The following CLEC16A variants were observed in gnomAD, a reference collection of about 807,000 sequenced individuals.
CLEC16A encodes C-type lectin domain containing 16A.
CLEC16A carries 51 observed loss-of-function variants against 109.5 expected under a neutral mutation model. That is an observed-to-expected ratio of 0.47 (90% CI 0.37 to 0.59). The LOEUF is 0.59. Among genes scored for constraint, CLEC16A ranks in the 20% least tolerant of loss-of-function variants. The probability of loss-of-function intolerance (pLI) is 0.00; values close to 1 mark genes in which losing one functional copy is unlikely to be tolerated. For missense variants in CLEC16A, 1,339 were observed against 1,394.0 expected, an observed-to-expected ratio of 0.96 and a Z score of 0.63; for synonymous variants, 673 against 564.2, an observed-to-expected ratio of 1.19 and a Z score of -2.73.
At chr16:11,090,534 C>T (rs1171322535) in intron 19 of CLEC16A, among the ~76,000 whole-genome samples, 2 of 152,174 alleles carry the variant, frequency 1.3e-5, no homozygotes, top group Non-Finnish European at 2.9e-5. Flanking sequence ...GGACCACTTT[C>T]CTATTACATT....
chr16:11,099,627 G>A (rs773834248), intron 19 of CLEC16A, among the ~76,000 whole-genome samples: 1 of 152,170 alleles, frequency 6.6e-6, no homozygotes, highest in Non-Finnish European at 1.5e-5. Context: ...AGTCTTTCAG[G>A]ATCCCAGCTC....
intron 10 of CLEC16A, among the ~76,000 whole-genome samples, chr16:10,988,671 C>T (rs909928402): frequency 6.6e-6 from 1 of 152,152 alleles, no homozygotes; most frequent in East Asian, 1.9e-4. Flanking sequence ...CCATGTTCCA[C>T]CTCCAGAGGC....
chr16:11,145,811 C>G (rs575609885), intron 22 of CLEC16A, among the ~76,000 whole-genome samples: 1 of 152,370 alleles, frequency 6.6e-6, no homozygotes, highest in South Asian at 2.1e-4. Flanking sequence ...ACCAAAGATC[C>G]TTTCAGGGTG....
At chr16:10,951,841 A>G (rs2041749782) in intron 1 of CLEC16A, among the ~76,000 whole-genome samples, 1 of 152,256 alleles carries the variant, frequency 6.6e-6, no homozygotes, top group African/African-American at 2.4e-5. Context: ...AAAGATGGTC[A>G]TAGCAACATT....
chr16:11,173,749 C>T (rs373942295), intron 23 of CLEC16A, among the ~76,000 whole-genome samples: 4 of 152,134 alleles, frequency 2.6e-5, no homozygotes, highest in Non-Finnish European at 5.9e-5. Flanking sequence ...GCCGGGTTTT[C>T]GTGTCCTGAC....
Position 11,010,777 on chromosome 16 carries a change from C to T in CLEC16A, c.1303+7472C>T, listed in dbSNP as rs575654076. Among the ~76,000 whole-genome samples, 28 of 152,336 alleles carry T rather than the reference C, an allele frequency of 1.8e-4. 1 individual carries two copies. The South Asian group carries it at 2.9e-3, about 16-fold the overall frequency. Reference sequence around the variant, plus strand: ...CAATCCAGAGGCGGGTGGTGCCTTCCGTTGTCACGCCTCCAGCCTCCTTTA... The same window carrying T: ...CAATCCAGAGGCGGGTGGTGCCTTCTGTTGTCACGCCTCCAGCCTCCTTTA... On this transcript the variant is annotated intron_variant, in intron 11 of 23. Coordinates refer to ENST00000409790, the MANE Select transcript of CLEC16A (RefSeq NM_015226.3).
intron 7 of CLEC16A, among the ~76,000 whole-genome samples, chr16:10,975,979 A>C (rs113344744): frequency 7.6e-4 from 116 of 152,150 alleles, no homozygotes; most frequent in Admixed American, 1.3e-3. Context: ...TATAAGAAAT[A>C]ATTGGCTGGG....
At chr16:10,997,315 T>C (rs2044388571) in intron 10 of CLEC16A, among the ~76,000 whole-genome samples, 1 of 152,208 alleles carries the variant, frequency 6.6e-6, no homozygotes. Flanking sequence ...TACATAAAAG[T>C]TTAGTAATCT....
intron 2 of CLEC16A, among the ~76,000 whole-genome samples, chr16:10,962,197 C>T (rs924517553): frequency 2.0e-5 from 3 of 152,066 alleles, no homozygotes; most frequent in African/African-American, 7.2e-5. Flanking sequence ...GATCATCCTG[C>T]CTCAGCCTCC....
chr16:11,021,642 T>A (rs2046104899), intron 12 of CLEC16A, among the ~76,000 whole-genome samples: 1 of 152,066 alleles, frequency 6.6e-6, no homozygotes. Context: ...ACGAAAATAT[T>A]AAAAAATTAG....
chr16:10,973,421 C>A (rs1482394422), intron 7 of CLEC16A, among the ~76,000 whole-genome samples: 1 of 152,156 alleles, frequency 6.6e-6, no homozygotes, highest in East Asian at 1.9e-4. Flanking sequence ...AGTGCTGACA[C>A]TTGGTGTGGC....
rs201123017 is a variant in CLEC16A, at chr16:11,042,377, C to T, written c.1770+14C>T. ...GCCTGCCTGGAGGTAACGCCCTCTC[C>T]GCTCCTCCTTCCTGTGGGCCAAGGG... On this transcript the variant is annotated intron_variant, in intron 15 of 23. Coordinates refer to ENST00000409790, the MANE Select transcript of CLEC16A (RefSeq NM_015226.3). 2.0e-5 allele frequency: 31 copies of T among 1,546,996 alleles called. No homozygotes were observed. Among genetic ancestry groups the T allele is most frequent in the African/African-American group, 9.5e-5 (7 of 73,384 alleles).
intron 22 of CLEC16A, 139 bp from the exon 23 acceptor site, chr16:11,166,249 C>T (rs2068255327): frequency 5.6e-6 from 5 of 890,838 alleles, no homozygotes; most frequent in South Asian, 2.1e-5. Flanking sequence ...AGGGCCACGA[C>T]CAGTGAGGTC....
intron 22 of CLEC16A, among the ~76,000 whole-genome samples, chr16:11,130,817 AG>A (rs932566411): frequency 3.3e-5 from 5 of 152,298 alleles, no homozygotes; most frequent in African/African-American, 1.2e-4. Flanking sequence ...CTGCCAGACA[AG>A]GGTGTTTTAT....
At chr16:11,062,144 AG>A (rs1174828023) in intron 19 of CLEC16A, among the ~76,000 whole-genome samples, 1 of 40,826 alleles carries the variant, frequency 2.4e-5, no homozygotes, top group Non-Finnish European at 4.5e-5. Context: ...TGGAGCTGGG[AG>A]GGAGGGAGGG....
chr16:11,014,042 A>G (rs1020073875), intron 11 of CLEC16A, among the ~76,000 whole-genome samples: 1 of 152,246 alleles, frequency 6.6e-6, no homozygotes, highest in African/African-American at 2.4e-5. Flanking sequence ...TTCATTTTAA[A>G]AATGCATGGA....
chr16:10,944,748 G>A lies in CLEC16A; in HGVS notation c.31G>A (p.Gly11Arg), dbSNP rs202188885. 2 of 1,609,422 alleles carry A rather than the reference G, an allele frequency of 1.2e-6. No individual in the cohort carries two copies. The highest frequency in any genetic ancestry group is 1.1e-5 in the South Asian group (1 of 90,362). The change falls in exon 1 of 24, where the codon GGG becomes AGG. Residue 11 changes from glycine to arginine, a missense_variant. By Grantham distance (125) the Gly-to-Arg change is moderately radical. This residue lies in a region of CLEC16A where 117 missense variants were observed against 120.2 expected (regional missense o/e 0.97). Transcript: ENST00000409790. Reference sequence around the variant, plus strand: ...TGGCCGCTCGCGGAGCTGGGTGGGCGGGGGCCATGGCAAGACTTCCCGCAA... The same window carrying A: ...TGGCCGCTCGCGGAGCTGGGTGGGCAGGGGCCATGGCAAGACTTCCCGCAA... MFGRSRSWVG[G>R]GHGKTSRNIH...
chr16:11,176,264 A>G (rs1308956579), intron 23 of CLEC16A, among the ~76,000 whole-genome samples: 2 of 152,216 alleles, frequency 1.3e-5, no homozygotes, highest in South Asian at 4.1e-4. Context: ...AGAAACCAGA[A>G]TTCGCATGTA....
In CLEC16A at chr16:11,042,379, C is replaced by A; in HGVS notation, c.1770+16C>A. 2 of 1,539,182 alleles carry A rather than the reference C, an allele frequency of 1.3e-6. No individual in the cohort carries two copies. Among genetic ancestry groups the A allele is most frequent in the Non-Finnish European group, 1.8e-6 (2 of 1,133,466 alleles). On this transcript the variant is annotated intron_variant, in intron 15 of 23. Coordinates refer to ENST00000409790, the MANE Select transcript of CLEC16A (RefSeq NM_015226.3). The stretch of plus-strand genomic sequence containing the variant: ...CTGCCTGGAGGTAACGCCCTCTCCG[C>A]TCCTCCTTCCTGTGGGCCAAGGGAG...
Sources: allele counts gnomAD v4.1 joint callset (sites outside exome capture counted in the v4.1 genomes callset), GRCh38; gene constraint gnomAD v4.1.1; regional missense constraint gnomAD v4.1.1; transcripts MANE v1.5; gene names NCBI Gene and HGNC (gene_info 2026-07-23, HGNC 2026-07-21).